RGS3: variants seen among roughly 807,000 people sequenced by gnomAD.
The protein encoded by RGS3 is regulator of G-protein signalling 3.
Under a neutral mutation model 132.6 loss-of-function variants are expected in RGS3, and 80 were observed. The ratio of observed to expected loss-of-function variants is 0.60; its 90% confidence interval spans 0.50 to 0.73. The LOEUF is 0.73. RGS3 is among the 30% of genes least tolerant of loss of function. The pLI, the probability that RGS3 is intolerant of heterozygous loss-of-function variation, is 0.00. For missense variants in RGS3, 1,382 were observed against 1,530.8 expected (o/e 0.90, Z 1.62); for synonymous variants, 598 against 620.6 (o/e 0.96, Z 0.54).
exon 25 of RGS3, chr9:113,596,967 C>A: frequency 6.3e-7 from 1 of 1,584,282 alleles, no homozygotes; most frequent in South Asian, 1.2e-5. Flanking sequence ...CCACTGGAGT[C>A]GAGCTCAGCG....
At position 113,591,486 on chromosome 9, in the gene RGS3, G is replaced by C. The variant is rs1432379827; in HGVS notation, c.3080+89G>C. ...CCTCTAGGGGTCCAGGTGGGGAGAA[G>C]AGGTTGTGCCTGGTCCCGCCCACAA... On this transcript the variant is annotated intron_variant, in intron 21 of 24. Transcript: ENST00000350696. The surrounding 1 kb of genome is among the most constrained non-coding windows in gnomAD (Gnocchi z 4.4). The C allele has an allele frequency of 8.3e-7, 1 of 1,205,708 alleles. No individual in the cohort carries two copies. The highest frequency in any genetic ancestry group is 1.7e-5 in the Admixed American group (1 of 57,172). 74.7% of individuals were successfully genotyped at this position (1,205,708 alleles called of 1,614,324 possible).
chr9:113,506,103 G>C lies in RGS3; in HGVS notation c.980-285G>C, dbSNP rs374827280. Among the ~76,000 whole-genome samples, 4 of 152,198 alleles carry C rather than the reference G, an allele frequency of 2.6e-5. No homozygotes were observed. The highest frequency in any genetic ancestry group is 9.6e-5 in the African/African-American group (4 of 41,536). ...TCAATGGGGTAGGAGGCCCTGGGGA[G>C]GGGTAAGGGCCCGGGTAGAAGGGTG... On this transcript the variant is annotated intron_variant, in intron 11 of 24. Transcript: ENST00000350696. This position sits in a 1 kb window ranked among gnomAD's most constrained non-coding sequence, Gnocchi z 4.7.
At chr9:113,550,061 A>G (rs967086852) in intron 19 of RGS3, among the ~76,000 whole-genome samples, 1 of 152,202 alleles carries the variant, frequency 6.6e-6, no homozygotes, top group Non-Finnish European at 1.5e-5. Context: ...CCTAGTACGC[A>G]TTCGACTCTA....
intron 8 of RGS3, among the ~76,000 whole-genome samples, chr9:113,496,256 G>A (rs1386374062): frequency 1.3e-5 from 2 of 152,180 alleles, no homozygotes; most frequent in East Asian, 1.9e-4. Flanking sequence ...GGCCTAACAG[G>A]TGCTCAAGGA....
rs191651523 is a variant in RGS3, at chr9:113,507,118, C to G, written c.1086-169C>G. Among the ~76,000 whole-genome samples the G allele has an allele frequency of 6.6e-6, 1 of 152,348 alleles. No individual in the cohort carries two copies. The highest frequency in any genetic ancestry group is 1.9e-4 in the East Asian group (1 of 5,184). On this transcript the variant is annotated intron_variant, in intron 12 of 24. Coordinates refer to ENST00000350696, the Ensembl canonical transcript of RGS3. The surrounding 1 kb of genome is among the most constrained non-coding windows in gnomAD (Gnocchi z 5.0). Reference sequence around the variant, plus strand: ...TTGACCTAGGTGACCCATTTGCTGTCTCTTCTTTAAATGGCTTCTTGCATC... The same window carrying G: ...TTGACCTAGGTGACCCATTTGCTGTGTCTTCTTTAAATGGCTTCTTGCATC...
At chr9:113,496,935 C>T (rs556224996) in intron 8 of RGS3, among the ~76,000 whole-genome samples, 6 of 152,236 alleles carry the variant, frequency 3.9e-5, no homozygotes, top group Non-Finnish European at 8.8e-5. Flanking sequence ...CACAGGATGC[C>T]TTTTGGTCTC....
Position 113,569,163 on chromosome 9 carries a change from G to C in RGS3, c.2038-14287G>C, listed in dbSNP as rs1005441552. ...AGCGGCTCCCAACTTAGAAAGGGGG[G>C]TGTGTATTTGGAACTGGGCATGCTT... On this transcript the variant is annotated intron_variant, in intron 19 of 24. Transcript: ENST00000350696. Among the ~76,000 whole-genome samples the C allele has an allele frequency of 4.6e-5, 7 of 152,320 alleles. No homozygotes were observed. In the East Asian group the frequency reaches 1.4e-3, roughly 29 times the overall value.
At chr9:113,453,073 ATT>A (rs1168051773) in intron 1 of RGS3, among the ~76,000 whole-genome samples, 1 of 135,436 alleles carries the variant, frequency 7.4e-6, no homozygotes, top group Non-Finnish European at 1.5e-5. Context: ...CATTATATAT[ATT>A]TATATAATAT....
intron 15 of RGS3, among the ~76,000 whole-genome samples, chr9:113,516,866 C>A (rs1831697030): frequency 6.6e-6 from 1 of 152,174 alleles, no homozygotes; most frequent in Admixed American, 6.6e-5. Context: ...GTTTCATGAT[C>A]TTTCTTTAAG....
chr9:113,590,557 T>TATTC (rs1554788521), intron 20 of RGS3, among the ~76,000 whole-genome samples: 14 of 148,506 alleles, frequency 9.4e-5, no homozygotes, highest in Non-Finnish European at 1.8e-4. Context: ...CCTATCCACA[T>TATTC]ATCCATCCAT....
chr9:113,593,930 G>A, intron 21 of RGS3: 1 of 1,609,534 alleles, frequency 6.2e-7, no homozygotes, highest in Non-Finnish European at 8.5e-7. Context: ...ATGGTAACGA[G>A]GAGGCCAGTC....
intron 7 of RGS3, among the ~76,000 whole-genome samples, chr9:113,489,403 A>G (rs1830436849): frequency 6.6e-6 from 1 of 152,236 alleles, no homozygotes; most frequent in Admixed American, 6.5e-5. Flanking sequence ...AGGTTCTCGC[A>G]GCTACATTAC....
intron 1 of RGS3, among the ~76,000 whole-genome samples, chr9:113,452,652 A>G (rs1197857811): frequency 6.6e-6 from 1 of 151,498 alleles, no homozygotes; most frequent in East Asian, 1.9e-4. Context: ...ATACATATCT[A>G]TTCCAGTTAA....
intron 1 of RGS3, among the ~76,000 whole-genome samples, chr9:113,451,464 T>C (rs897052654): frequency 1.3e-5 from 2 of 152,194 alleles, no homozygotes; most frequent in Admixed American, 1.3e-4. Flanking sequence ...TACATAAGCC[T>C]TATATTCAAA....
chr9:113,594,201 C>G (rs373308593), intron 21 of RGS3: 22 of 1,612,944 alleles, frequency 1.4e-5, no homozygotes, highest in Non-Finnish European at 1.9e-5. Context: ...GCCCAGGACG[C>G]GGGGTGGGGG....
chr9:113,488,669 G>A (rs1038029343), intron 7 of RGS3, among the ~76,000 whole-genome samples: 3 of 152,204 alleles, frequency 2.0e-5, no homozygotes, highest in African/African-American at 7.2e-5. Flanking sequence ...GTGTCTCCAC[G>A]TGTTGCCTAT....
At chr9:113,596,663 A>C in intron 24 of RGS3, 105 bp from the exon 23 acceptor site, 1 of 931,716 alleles carries the variant, frequency 1.1e-6, no homozygotes, top group Non-Finnish European at 1.6e-6. Flanking sequence ...ATGTGGGGCA[A>C]AGGGGCTTGG....
intron 23 of RGS3, 39 bp from the exon 22 acceptor site, chr9:113,595,560 T>G: frequency 6.2e-7 from 1 of 1,603,788 alleles, no homozygotes; most frequent in Non-Finnish European, 8.5e-7. Context: ...CAGGAGAGGC[T>G]GAGTTTGCCT....
intron 16 of RGS3, among the ~76,000 whole-genome samples, chr9:113,520,271 G>A (rs1168744821): frequency 6.6e-6 from 1 of 152,254 alleles, no homozygotes; most frequent in African/African-American, 2.4e-5. Flanking sequence ...GCTGGTGCTG[G>A]TGAGATGGGG....
Sources: allele counts gnomAD v4.1 joint callset (sites outside exome capture counted in the v4.1 genomes callset), GRCh38; gene constraint gnomAD v4.1.1; non-coding constraint Gnocchi (gnomAD v3.1); transcripts MANE v1.5; gene names NCBI Gene and HGNC (gene_info 2026-07-23, HGNC 2026-07-21).